RBFOX1: variants seen among roughly 807,000 people sequenced by gnomAD.
The protein encoded by RBFOX1 is RNA binding protein fox-1 homolog 1.
A neutral mutation model predicts 57.7 loss-of-function variants in RBFOX1; 8 were observed. The ratio of observed to expected loss-of-function variants is 0.14; its 90% confidence interval spans 0.08 to 0.25. The LOEUF (loss-of-function observed/expected upper bound fraction) is 0.25, where lower values mean the gene tolerates loss of function less well. RBFOX1 is among the 10% of genes least tolerant of loss of function. The probability of loss-of-function intolerance (pLI) is 1.00; values close to 1 mark genes in which losing one functional copy is unlikely to be tolerated. For missense variants in RBFOX1, 611 were observed against 548.5 expected (o/e 1.11, Z -1.14); for synonymous variants, 326 against 222.4 (o/e 1.47, Z -4.15).
intron 4 of RBFOX1, among the ~76,000 whole-genome samples, chr16:7,179,295 C>G (rs1336286716): frequency 6.6e-6 from 1 of 151,604 alleles, no homozygotes; most frequent in Non-Finnish European, 1.5e-5. Flanking sequence ...TTGGAAGTGT[C>G]AAGAGATTCT....
At chr16:7,302,742 CTT>C (rs765547396) in intron 4 of RBFOX1, among the ~76,000 whole-genome samples, 4 of 87,994 alleles carry the variant, frequency 4.5e-5, no homozygotes, top group African/African-American at 6.7e-5. Flanking sequence ...CAAGAATGTG[CTT>C]TTTTTTTTTT....
chr16:5,457,117 G>C (rs953852537), intron 1 of RBFOX1, among the ~76,000 whole-genome samples: 2 of 152,054 alleles, frequency 1.3e-5, no homozygotes, highest in Non-Finnish European at 2.9e-5. Flanking sequence ...CACATGGTGG[G>C]GAGAGAGATC....
At chr16:5,443,565 C>T (rs2068150499) in intron 1 of RBFOX1, among the ~76,000 whole-genome samples, 1 of 152,150 alleles carries the variant, frequency 6.6e-6, no homozygotes, top group African/African-American at 2.4e-5. Flanking sequence ...GTCTTAAACT[C>T]CTGGCCTCAA....
At chr16:6,782,980 A>G (rs894613730) in intron 3 of RBFOX1, among the ~76,000 whole-genome samples, 2 of 152,152 alleles carry the variant, frequency 1.3e-5, no homozygotes, top group Non-Finnish European at 2.9e-5. Context: ...TTATCATTAT[A>G]TAATGACCTT....
chr16:6,367,116 C>G (rs1001931779), intron 2 of RBFOX1, among the ~76,000 whole-genome samples: 1 of 152,160 alleles, frequency 6.6e-6, no homozygotes, highest in Non-Finnish European at 1.5e-5. Flanking sequence ...CACCTCGATG[C>G]AGGTGATAAA....
At chr16:6,326,040 G>A (rs1471996350) in intron 2 of RBFOX1, among the ~76,000 whole-genome samples, 3 of 152,174 alleles carry the variant, frequency 2.0e-5, no homozygotes, top group Non-Finnish European at 4.4e-5. Context: ...GTGTGTACAT[G>A]CATATGCATT....
chr16:7,708,016 G>A lies in RBFOX1; in HGVS notation c.996-1040G>A, dbSNP rs74012231. ...GCAAACAAGTATGGGCACAGGATACGGTGGACCAAGCACGCAAGTTGCCCT... is the reference window on the plus strand; with the variant it reads ...GCAAACAAGTATGGGCACAGGATACAGTGGACCAAGCACGCAAGTTGCCCT... On this transcript the variant is annotated intron_variant, in intron 14 of 15. Coordinates refer to ENST00000550418, the MANE Select transcript of RBFOX1 (RefSeq NM_018723.4). 8.4e-3 allele frequency among the ~76,000 whole-genome samples: 1,272 copies of A among 152,238 alleles called. 21 individuals are homozygous for A. The highest frequency in any genetic ancestry group is 0.028 in the African/African-American group (1,150 of 41,550).
chr16:5,976,300 T>C (rs1036406472), intron 4 of RBFOX1, among the ~76,000 whole-genome samples: 1 of 152,144 alleles, frequency 6.6e-6, no homozygotes, highest in Non-Finnish European at 1.5e-5. Flanking sequence ...GCACACGAGT[T>C]AGGAAAACAT....
chr16:6,303,339 T>G (rs2079048935), intron 1 of RBFOX1, among the ~76,000 whole-genome samples: 1 of 151,764 alleles, frequency 6.6e-6, no homozygotes, highest in Non-Finnish European at 1.5e-5. Flanking sequence ...AATAGATTTT[T>G]TTTTTTTTAA....
At chr16:7,484,781 G>A (rs556800132) in intron 4 of RBFOX1, among the ~76,000 whole-genome samples, 5 of 152,190 alleles carry the variant, frequency 3.3e-5, no homozygotes, top group South Asian at 4.2e-4. Context: ...GGTATTTTTC[G>A]CACAGCTCCC....
chr16:7,011,241 T>G (rs539635487), intron 3 of RBFOX1, among the ~76,000 whole-genome samples: 1 of 152,272 alleles, frequency 6.6e-6, no homozygotes, highest in Admixed American at 6.5e-5. Context: ...TTCTAAGGGC[T>G]TTTGCAACAT....
intron 2 of RBFOX1, among the ~76,000 whole-genome samples, chr16:6,405,856 G>A (rs1246779982): frequency 2.0e-5 from 3 of 152,110 alleles, no homozygotes; most frequent in Non-Finnish European, 4.4e-5. Context: ...TATTGAGGGA[G>A]AAAACAACTT....
At chr16:7,247,023 T>C (rs1249725537) in intron 4 of RBFOX1, among the ~76,000 whole-genome samples, 1 of 152,136 alleles carries the variant, frequency 6.6e-6, no homozygotes, top group Non-Finnish European at 1.5e-5. Context: ...AATTGGCAGG[T>C]AACAGTGAGC....
chr16:7,457,848 C>T (rs1458272007), intron 4 of RBFOX1, among the ~76,000 whole-genome samples: 1 of 152,092 alleles, frequency 6.6e-6, no homozygotes, highest in African/African-American at 2.4e-5. Context: ...TGATATGATC[C>T]ACTTGGCCAC....
At chr16:6,159,282 G>A (rs930983456) in intron 1 of RBFOX1, among the ~76,000 whole-genome samples, 1 of 152,026 alleles carries the variant, frequency 6.6e-6, no homozygotes, top group Non-Finnish European at 1.5e-5. Context: ...TCACCATGTT[G>A]GCCAAGTTGG....
chr16:6,758,561 C>T (rs966662956), intron 3 of RBFOX1, among the ~76,000 whole-genome samples: 6 of 152,108 alleles, frequency 3.9e-5, no homozygotes, highest in African/African-American at 7.2e-5. Context: ...TATAACCATG[C>T]TCTCTAAAAC....
intron 4 of RBFOX1, among the ~76,000 whole-genome samples, chr16:7,404,843 G>A (rs1277320787): frequency 1.3e-5 from 2 of 152,158 alleles, no homozygotes; most frequent in Non-Finnish European, 2.9e-5. Flanking sequence ...GGGCTCTCCT[G>A]GAATGTGTTA....
chr16:6,733,981 T>C (rs2069380149), intron 3 of RBFOX1, among the ~76,000 whole-genome samples: 1 of 152,218 alleles, frequency 6.6e-6, no homozygotes, highest in Non-Finnish European at 1.5e-5. Context: ...AGACAAAGTT[T>C]ATAGGACACA....
intron 3 of RBFOX1, among the ~76,000 whole-genome samples, chr16:5,619,660 G>A (rs2048145435): frequency 1.3e-5 from 2 of 152,166 alleles, no homozygotes; most frequent in South Asian, 4.1e-4. Flanking sequence ...AAAGAGGGGG[G>A]CCTGCATCTC....
Sources: gnomAD v4.1 joint callset for allele counts (sites outside exome capture counted in the v4.1 genomes callset) on GRCh38, gnomAD v4.1.1 for gene constraint, MANE v1.5 for transcripts, NCBI Gene and HGNC (gene_info 2026-07-23, HGNC 2026-07-21) for gene names.